Variants in RAPSN observed in about 807,000 individuals in gnomAD.
The protein encoded by RAPSN is 43 kDa receptor-associated protein of the synapse.
A neutral mutation model predicts 45.7 loss-of-function variants in RAPSN; 33 were observed. The observed-to-expected ratio is 0.72, with a 90% CI of 0.55 to 0.97. RAPSN has a LOEUF of 0.97. RAPSN is among the 50% of genes least tolerant of loss of function. The pLI is 0.00. For synonymous variants in RAPSN, 244 were observed against 233.6 expected, an observed-to-expected ratio of 1.04 and a Z score of -0.40; for missense variants, 519 against 559.4, an observed-to-expected ratio of 0.93 and a Z score of 0.73.
chr11:47,448,649 C>G (rs570641103), intron 1 of RAPSN, 124 bp downstream of exon 1: 1 of 1,256,214 alleles, frequency 8.0e-7, no homozygotes, highest in Non-Finnish European at 1.1e-6. Flanking sequence ...TTCAGAGCCT[C>G]GGGCCCTGGC....
intron 1 of RAPSN, among the ~76,000 whole-genome samples, chr11:47,448,495 C>T (rs978191513): frequency 2.0e-5 from 3 of 150,628 alleles, no homozygotes; most frequent in Non-Finnish European, 4.4e-5. Context: ...AGGCTGAAAC[C>T]TACAATGGGC....
rs1196849072 is a variant in RAPSN at position 47,448,983 on chromosome 11, C to G, written c.-19G>C. The G allele has an allele frequency of 3.7e-6, 6 of 1,614,222 alleles. No homozygotes were observed. Among genetic ancestry groups the G allele is most frequent in the Non-Finnish European group, 5.1e-6 (6 of 1,180,044 alleles). On this transcript the variant is annotated 5_prime_UTR_variant, in exon 1 of 8. Coordinates refer to ENST00000298854, the MANE Select transcript of RAPSN (RefSeq NM_005055.5). ...GCCCCATCCTCCCCAAGCCCTGTGT[C>G]CCACGTGGGGTGATCCCTGGTGGCT...
intron 5 of RAPSN, 111 bp downstream of exon 5, chr11:47,441,500 A>G: frequency 6.5e-7 from 1 of 1,547,640 alleles, no homozygotes; most frequent in Non-Finnish European, 8.7e-7. Flanking sequence ...GCCTCGTAGG[A>G]TCAGGGTGAG....
intron 6 of RAPSN, 64 bp downstream of exon 6, chr11:47,441,095 C>T: frequency 6.2e-7 from 1 of 1,603,942 alleles, no homozygotes; most frequent in Non-Finnish European, 8.5e-7. Context: ...AAGGCCCTTC[C>T]CCAGACCCAA....
intron 1 of RAPSN, among the ~76,000 whole-genome samples, chr11:47,448,542 A>G (rs1008891134): frequency 1.3e-5 from 2 of 152,142 alleles, no homozygotes; most frequent in African/African-American, 4.8e-5. Flanking sequence ...AGGCTGGAGA[A>G]CCTCAGTCTC....
chr11:47,442,808 C>T lies in RAPSN; in HGVS notation c.538G>A (p.Glu180Lys), dbSNP rs1452482859. The stretch of plus-strand genomic sequence containing the variant: ...TTGCAGGGGAAGAACAGGGCTTTCT[C>T]GTAGTCCTGCAGGGGACATGGAATG... ...GSFYAQVKDY[E>K]KALFFPCKAA... Residue 180 changes from glutamate to lysine, a missense_variant, in exon 3 of 8, where the codon GAG becomes AAG. Physicochemically the swap from Glu to Lys is moderately conservative, Grantham distance 56. Coordinates refer to ENST00000298854, the MANE Select transcript of RAPSN (RefSeq NM_005055.5). 11 of 1,614,128 alleles carry T rather than the reference C, an allele frequency of 6.8e-6. No individual in the cohort carries two copies. Among genetic ancestry groups the T allele is most frequent in the Admixed American group, 1.7e-5 (1 of 60,020 alleles).
Position 47,438,351 on chromosome 11 carries a change from ACTC to A in RAPSN, c.1167-307_1167-305del, listed in dbSNP as rs201262167. On this transcript the variant is annotated intron_variant, in intron 7 of 7. Coordinates refer to ENST00000298854, the MANE Select transcript of RAPSN (RefSeq NM_005055.5). ...TAATGACCTTTGAGGGGCCTCTCTG[ACTC>A]CTCTTTGGGGATTATGAAAAGAATG... 2.4e-3 allele frequency: 1,381 copies of A among 568,884 alleles called. 16 individuals carry two copies. The highest frequency in any genetic ancestry group is 0.024 in the African/African-American group (1,274 of 53,278). 35.2% of individuals were successfully genotyped at this position (568,884 alleles called of 1,614,324 possible).
In RAPSN at chr11:47,448,777, A is replaced by G. The variant is rs1303133947; in HGVS notation, c.188T>C (p.Leu63Pro). The change falls in exon 1 of 8, where the codon CTG becomes CCG. Residue 63 changes from leucine (L) to proline (P), a missense_variant. Coordinates refer to ENST00000298854, the MANE Select transcript of RAPSN (RefSeq NM_005055.5). The part of the protein sequence containing the change: ...HSEMGRYKEM[L>P]KFAVVQIDTA... ...CCCCAGGCCGGGTACACCCACCTTCAGCATCTCCTTGTAGCGGCCCATCTC... is the reference window on the plus strand; with the variant it reads ...CCCCAGGCCGGGTACACCCACCTTCGGCATCTCCTTGTAGCGGCCCATCTC... 6.2e-7 allele frequency: 1 copy of G among 1,609,720 alleles called. No homozygotes were observed. The highest frequency in any genetic ancestry group is 2.2e-5 in the East Asian group (1 of 44,888).
intron 7 of RAPSN, 197 bp downstream of exon 7, chr11:47,438,526 TTGGCCAAGA>T (rs1317060187): frequency 1.6e-6 from 1 of 610,484 alleles, no homozygotes; most frequent in African/African-American, 1.8e-5. Flanking sequence ...TTTCACCATG[TTGGCCAAGA>T]TGATCTTGAA....
chr11:47,439,710 C>T (rs1028575431), intron 6 of RAPSN, among the ~76,000 whole-genome samples: 9 of 76,026 alleles, frequency 1.2e-4, no homozygotes, highest in Admixed American at 2.1e-4. Flanking sequence ...AAGATTATGA[C>T]GATTTTTTTT....
At chr11:47,442,161 A>T (rs1374747981) in intron 3 of RAPSN, among the ~76,000 whole-genome samples, 1 of 152,214 alleles carries the variant, frequency 6.6e-6, no homozygotes, top group Non-Finnish European at 1.5e-5. Flanking sequence ...TAAGTGACAA[A>T]GCTGGGATGT....
At chr11:47,438,706 CT>C (rs1282929198) in intron 7 of RAPSN, 25 bp downstream of exon 7, 1 of 1,552,958 alleles carries the variant, frequency 6.4e-7, no homozygotes, top group Non-Finnish European at 8.7e-7. Context: ...CTGCCCACCC[CT>C]GTCCACCCCC....
At chr11:47,438,962 G>A (rs762235305) in intron 6 of RAPSN, 31 bp from the exon 7 acceptor site, 3 of 1,547,374 alleles carry the variant, frequency 1.9e-6, no homozygotes, top group South Asian at 2.4e-5. Flanking sequence ...GAGCGCCAGT[G>A]GGGGATGAGA....
At chr11:47,438,093 C>T (rs1157539662) in intron 7 of RAPSN, 46 bp from the exon 8 acceptor site, 1 of 1,541,546 alleles carries the variant, frequency 6.5e-7, no homozygotes. Context: ...GCCTGTCCTT[C>T]CCTCCGGGCC....
intron 2 of RAPSN, among the ~76,000 whole-genome samples, chr11:47,446,876 G>A (rs969409673): frequency 7.9e-5 from 12 of 152,186 alleles, no homozygotes; most frequent in Non-Finnish European, 1.3e-4. Flanking sequence ...CTGCACTCCA[G>A]CCTGGGTGAC....
chr11:47,438,184 A>AG, intron 7 of RAPSN, 137 bp from the exon 8 acceptor site: 1 of 1,074,258 alleles, frequency 9.3e-7, no homozygotes, highest in Non-Finnish European at 1.4e-6. Flanking sequence ...AGGGAAGGGA[A>AG]CGGTCCCCCC....
chr11:47,441,612 T>A lies in RAPSN; in HGVS notation c.911A>T (p.Lys304Met). The change falls in exon 5 of 8, where the codon AAG becomes ATG. Residue 304 changes from lysine to methionine, a missense_variant and splice_region_variant. Transcript: ENST00000298854. ...GCTGTGGGAAAGGCCCGACCTCACCTTGTCCAGCGCCTTCCTGGCCACCCA... is the reference window on the plus strand; with the variant it reads ...GCTGTGGGAAAGGCCCGACCTCACCATGTCCAGCGCCTTCCTGGCCACCCA... The part of the protein sequence containing the change: ...KCWVARKALD[K>M]ALDAIERAQD... 6.2e-7 allele frequency: 1 copy of A among 1,606,120 alleles called. No homozygotes were observed.
In RAPSN at chr11:47,438,132, A is replaced by G. The variant is rs575628861; in HGVS notation, c.1167-85T>C. ...TCTTCCTTCCTTGCCTGCCCTCTGC[A>G]GGGGCTGGGATGCATCCTGGTGGCT... is the stretch of plus-strand genomic sequence containing the variant. On this transcript the variant is annotated intron_variant, in intron 7 of 7. Coordinates refer to ENST00000298854, the MANE Select transcript of RAPSN (RefSeq NM_005055.5). The G allele has an allele frequency of 2.1e-3, 3,028 of 1,466,562 alleles. 6 individuals are homozygous for G. The highest frequency in any genetic ancestry group is 7.9e-3 in the Middle Eastern group (33 of 4,198). The allele number at this position is 1,466,562 out of a possible 1,614,324, so 90.8% of individuals were successfully genotyped here.
Position 47,448,934 on chromosome 11 carries a change from C to T in RAPSN, c.31G>A (p.Glu11Lys), listed in dbSNP as rs563083031. 2.5e-6 allele frequency: 4 copies of T among 1,614,262 alleles called. No individual in the cohort carries two copies. Among genetic ancestry groups the T allele is most frequent in the African/African-American group, 2.7e-5 (2 of 75,076 alleles). Residue 11 changes from glutamate (E) to lysine (K), a missense_variant, in exon 1 of 8, where the codon GAG becomes AAG. Coordinates refer to ENST00000298854, the MANE Select transcript of RAPSN (RefSeq NM_005055.5). ...GACTGGTACAGCTGGAGCCCCTTCTCGATCTGCTGCTTGGTCTGGTCCTGC... is the reference window on the plus strand; with the variant it reads ...GACTGGTACAGCTGGAGCCCCTTCTTGATCTGCTGCTTGGTCTGGTCCTGC... Reference protein sequence around the residue: MGQDQTKQQIEKGLQLYQSNQ... With the variant: MGQDQTKQQIKKGLQLYQSNQ...
Sources: gnomAD v4.1 joint callset for allele counts (sites outside exome capture counted in the v4.1 genomes callset) on GRCh38, gnomAD v4.1.1 for gene constraint, MANE v1.5 for transcripts, NCBI Gene and HGNC (gene_info 2026-07-23, HGNC 2026-07-21) for gene names.